Variants in HTR1F observed in about 807,000 individuals in gnomAD.
HTR1F encodes 5-hydroxytryptamine receptor 1F.
HTR1F carries 17 observed loss-of-function variants against 24.0 expected under a neutral mutation model. That is an observed-to-expected ratio of 0.71 (90% CI 0.48 to 1.06). The LOEUF is 1.06. Ranked by LOEUF, HTR1F falls within the 50% of genes least tolerant of loss-of-function variation. HTR1F has a pLI of 0.00. For missense variants in HTR1F, 391 were observed against 427.8 expected (o/e 0.91, Z 0.76); for synonymous variants, 186 against 156.8 (o/e 1.19, Z -1.39).
At chr3:87,798,610 T>C (rs1703944638) in intron 1 of HTR1F, among the ~76,000 whole-genome samples, 1 of 151,934 alleles carries the variant, frequency 6.6e-6, no homozygotes, top group African/African-American at 2.4e-5. Flanking sequence ...AAAAACCTAA[T>C]TTTTATTTCC....
chr3:87,864,899 AAAAAAAAG>A, intron 2 of HTR1F, among the ~76,000 whole-genome samples: 2 of 145,512 alleles, frequency 1.4e-5, no homozygotes, highest in Non-Finnish European at 1.5e-5. Flanking sequence ...CTCAAAAAAA[AAAAAAAAG>A]AAAAGAAAAG....
intron 2 of HTR1F, among the ~76,000 whole-genome samples, chr3:87,945,457 C>A (rs1028813575): frequency 1.3e-5 from 2 of 152,110 alleles, no homozygotes; most frequent in Non-Finnish European, 2.9e-5. Context: ...TGTTTGGGAC[C>A]CAGGAGGTAC....
intron 2 of HTR1F, among the ~76,000 whole-genome samples, chr3:87,931,662 C>T (rs894249768): frequency 2.0e-5 from 3 of 152,032 alleles, no homozygotes; most frequent in African/African-American, 7.3e-5. Flanking sequence ...TACAGTCCCA[C>T]CAACAGTGTA....
At chr3:87,976,871 A>G (rs1705406519) in intron 2 of HTR1F, among the ~76,000 whole-genome samples, 2 of 152,182 alleles carry the variant, frequency 1.3e-5, no homozygotes, top group African/African-American at 4.8e-5. Context: ...TACATAATAC[A>G]TTATTATATC....
At chr3:87,798,810 T>G (rs1401513347) in intron 1 of HTR1F, among the ~76,000 whole-genome samples, 2 of 152,212 alleles carry the variant, frequency 1.3e-5, no homozygotes, top group Admixed American at 6.5e-5. Context: ...ATCCATGCCT[T>G]ATTTTTCCTG....
intron 2 of HTR1F, among the ~76,000 whole-genome samples, chr3:87,952,857 T>C (rs973150071): frequency 1.9e-4 from 29 of 151,652 alleles, no homozygotes; most frequent in African/African-American, 3.1e-4. Flanking sequence ...TGTTTTTTTT[T>C]CTCACGCTAA....
intron 2 of HTR1F, among the ~76,000 whole-genome samples, chr3:87,830,872 T>G (rs1279467590): frequency 6.6e-6 from 1 of 152,164 alleles, no homozygotes; most frequent in African/African-American, 2.4e-5. Context: ...CTGAAAAATA[T>G]TTTACAATGA....
intron 2 of HTR1F, among the ~76,000 whole-genome samples, chr3:87,854,305 G>A (rs954131631): frequency 7.9e-5 from 12 of 151,714 alleles, no homozygotes; most frequent in Non-Finnish European, 1.6e-4. Flanking sequence ...ATTTATTTGT[G>A]TCTTATCTAC....
intron 2 of HTR1F, among the ~76,000 whole-genome samples, chr3:87,977,726 T>A (rs1413717247): frequency 6.6e-6 from 1 of 151,822 alleles, no homozygotes; most frequent in African/African-American, 2.4e-5. Context: ...CCACCAAAGC[T>A]GAGTCTTTTA....
chr3:87,921,240 A>G (rs1210218093), intron 2 of HTR1F, among the ~76,000 whole-genome samples: 2 of 152,032 alleles, frequency 1.3e-5, no homozygotes, highest in Non-Finnish European at 2.9e-5. Flanking sequence ...ATGACAGGGC[A>G]TCTAGTGTTT....
chr3:87,842,294 G>C (rs1425625034), intron 2 of HTR1F, among the ~76,000 whole-genome samples: 1 of 151,526 alleles, frequency 6.6e-6, no homozygotes, highest in African/African-American at 2.4e-5. Context: ...CCGAGTAGCT[G>C]GGATTATAGG....
chr3:87,867,644 C>G (rs554252843), intron 2 of HTR1F, among the ~76,000 whole-genome samples: 2 of 152,234 alleles, frequency 1.3e-5, no homozygotes, highest in East Asian at 1.9e-4. Context: ...AACTAGATGT[C>G]TGCTATTCAG....
intron 2 of HTR1F, among the ~76,000 whole-genome samples, chr3:87,917,590 T>C (rs1703922886): frequency 6.6e-6 from 1 of 151,906 alleles, no homozygotes; most frequent in African/African-American, 2.4e-5. Context: ...AACAACTTTA[T>C]GTGCATAAAC....
chr3:87,862,617 G>A (rs142192538), intron 2 of HTR1F, among the ~76,000 whole-genome samples: 2 of 152,102 alleles, frequency 1.3e-5, no homozygotes, highest in Admixed American at 6.6e-5. Context: ...CATTAGACAC[G>A]TGTCTTTTCC....
At chr3:87,856,175 G>T (rs948589819) in intron 2 of HTR1F, among the ~76,000 whole-genome samples, 9 of 151,552 alleles carry the variant, frequency 5.9e-5, no homozygotes, top group Admixed American at 1.3e-4. Flanking sequence ...ATCTCTTACT[G>T]GTCCTAATTT....
intron 2 of HTR1F, among the ~76,000 whole-genome samples, chr3:87,955,838 T>C (rs549833496): frequency 1.9e-4 from 29 of 151,614 alleles, no homozygotes; most frequent in Non-Finnish European, 3.9e-4. Context: ...TATCTTCTTT[T>C]GTGAGGTATC....
intron 2 of HTR1F, among the ~76,000 whole-genome samples, chr3:87,867,357 G>GTC (rs61549461): frequency 0.071 from 10,647 of 149,142 alleles, 1,183 homozygotes; most frequent in African/African-American, 0.24. Flanking sequence ...TTCTCTTTTT[G>GTC]TCTCTCTCTC....
intron 2 of HTR1F, among the ~76,000 whole-genome samples, chr3:87,887,865 TTGG>T (rs1382483230): frequency 7.2e-5 from 11 of 152,116 alleles, no homozygotes; most frequent in African/African-American, 2.4e-4. Flanking sequence ...TTTTACACTG[TTGG>T]TGGGACTGTA....
intron 2 of HTR1F, among the ~76,000 whole-genome samples, chr3:87,830,782 A>C (rs887330150): frequency 6.6e-6 from 1 of 152,226 alleles, no homozygotes; most frequent in African/African-American, 2.4e-5. Flanking sequence ...CGCCACCTGT[A>C]TCTTGCATTA....
Sources: gnomAD v4.1 joint callset for allele counts (sites outside exome capture counted in the v4.1 genomes callset) on GRCh38, gnomAD v4.1.1 for gene constraint, MANE v1.5 for transcripts, NCBI Gene and HGNC (gene_info 2026-07-23, HGNC 2026-07-21) for gene names.